The following PRKCH variants were observed in gnomAD, a reference collection of about 807,000 sequenced individuals.
PRKCH encodes protein kinase C eta.
A neutral mutation model predicts 82.5 loss-of-function variants in PRKCH; 28 were observed. The ratio of observed to expected loss-of-function variants is 0.34; its 90% CI spans 0.25 to 0.47. The LOEUF is 0.47. Among genes scored for constraint, PRKCH ranks in the 20% least tolerant of loss-of-function variants. The pLI is 1.00. For missense variants in PRKCH, 705 were observed against 881.8 expected, an observed-to-expected ratio of 0.80 and a Z score of 2.54; for synonymous variants, 322 against 327.4, an observed-to-expected ratio of 0.98 and a Z score of 0.18.
At chr14:61,253,720 C>T (rs1424779329) in intron 1 of PRKCH, among the ~76,000 whole-genome samples, 1 of 152,126 alleles carries the variant, frequency 6.6e-6, no homozygotes, top group Non-Finnish European at 1.5e-5. Flanking sequence ...TCTGACTCTG[C>T]CTAATTAGGC....
At chr14:61,237,643 TC>T (rs1238521212) in intron 1 of PRKCH, among the ~76,000 whole-genome samples, 1 of 152,202 alleles carries the variant, frequency 6.6e-6, no homozygotes, top group Non-Finnish European at 1.5e-5. Context: ...TTTCAATCAA[TC>T]GTCAATCGGA....
intron 1 of PRKCH, among the ~76,000 whole-genome samples, chr14:61,373,743 G>C (rs1467518218): frequency 6.6e-6 from 1 of 152,102 alleles, no homozygotes; most frequent in African/African-American, 2.4e-5. Context: ...TGGGACTACA[G>C]GCATGCGCCA....
At chr14:61,434,796 GGA>G (rs1883595993) in intron 2 of PRKCH, among the ~76,000 whole-genome samples, 1 of 152,136 alleles carries the variant, frequency 6.6e-6, no homozygotes, top group East Asian at 1.9e-4. Context: ...CAAAGAGAGA[GGA>G]TCACCTGAGC....
chr14:61,239,279 T>C (rs1396517619), intron 1 of PRKCH, among the ~76,000 whole-genome samples: 1 of 152,216 alleles, frequency 6.6e-6, no homozygotes, highest in Non-Finnish European at 1.5e-5. Context: ...AAGCTGATGA[T>C]ACTGCAAGGC....
chr14:61,550,122 A>T lies in PRKCH; in HGVS notation c.*291A>T. On this transcript the variant is annotated 3_prime_UTR_variant, in exon 14 of 14. Transcript: ENST00000332981. Reference sequence around the variant, plus strand: ...TGGGATGTTAACAGGAGCCAAAAGGAGGGAAAGTGTGAAGAATAAAGTAGA... The same window carrying T: ...TGGGATGTTAACAGGAGCCAAAAGGTGGGAAAGTGTGAAGAATAAAGTAGA... The T allele has an allele frequency of 3.5e-6, 1 of 283,042 alleles. No individual in the cohort carries two copies. The highest frequency in any genetic ancestry group is 6.2e-5 in the East Asian group (1 of 16,144). The allele number at this position is 283,042 out of a possible 1,614,324, so 17.5% of individuals were successfully genotyped here.
rs1425794337 is a variant in PRKCH, at chr14:61,530,458, G to T, written c.1624G>T (p.Val542Leu). Reference protein sequence around the residue: ...GPAVDWWAMGVLLYEMLCGHA... With the variant: ...GPAVDWWAMGLLLYEMLCGHA... The stretch of plus-strand genomic sequence containing the variant: ...TGCAGTAGACTGGTGGGCAATGGGC[G>T]TGTTGCTCTATGAGATGCTCTGTGG... The change falls in exon 12 of 14, where the codon GTG becomes TTG. Residue 542 changes from valine (V) to leucine (L), a missense_variant. By Grantham distance (32) the Val-to-Leu change is conservative (BLOSUM62 1). This residue lies in a region of PRKCH where 115 missense variants were observed against 193.8 expected (regional missense o/e 0.59). Coordinates refer to ENST00000332981, the MANE Select transcript of PRKCH (RefSeq NM_006255.5). 6.2e-7 allele frequency: 1 copy of T among 1,610,436 alleles called. No individual in the cohort carries two copies. Among genetic ancestry groups the T allele is most frequent in the South Asian group, 1.1e-5 (1 of 89,916 alleles).
At chr14:61,415,287 A>G (rs1042431278) in intron 2 of PRKCH, among the ~76,000 whole-genome samples, 1 of 152,194 alleles carries the variant, frequency 6.6e-6, no homozygotes, top group African/African-American at 2.4e-5. Flanking sequence ...ATGTGAGGGT[A>G]TAAAGTGAGG....
chr14:61,542,370 GAA>G (rs61011878), intron 12 of PRKCH, among the ~76,000 whole-genome samples: 22,638 of 147,898 alleles, frequency 0.15, 2,111 homozygotes, highest in African/African-American at 0.28. Flanking sequence ...TTTCTGTCAG[GAA>G]AAAAAAAAAA....
intron 1 of PRKCH, among the ~76,000 whole-genome samples, chr14:61,293,856 ATCTG>A (rs973334895): frequency 1.1e-4 from 17 of 152,164 alleles, no homozygotes; most frequent in Admixed American, 6.5e-5. Flanking sequence ...CTGCCCCAGA[ATCTG>A]TCTATTAACA....
Position 61,459,625 on chromosome 14 carries a change from T to A in PRKCH, c.1278+1946T>A, listed in dbSNP as rs149359519. Among the ~76,000 whole-genome samples the A allele has an allele frequency of 8.7e-4, 132 of 152,372 alleles. 2 individuals carry two copies. Among genetic ancestry groups the A allele is most frequent in the African/African-American group, 3.0e-3 (124 of 41,594 alleles). On this transcript the variant is annotated intron_variant, in intron 9 of 13. Transcript: ENST00000332981. ...GAATGACGTATCAGGTTGTATGTTTTAATTATGAAAATCTAATTTCTTGCG... is the reference window on the plus strand; with the variant it reads ...GAATGACGTATCAGGTTGTATGTTTAAATTATGAAAATCTAATTTCTTGCG...
At chr14:61,213,799 A>ATTT (rs1198406431) in intron 1 of PRKCH, among the ~76,000 whole-genome samples, 2 of 152,234 alleles carry the variant, frequency 1.3e-5, no homozygotes, top group African/African-American at 4.8e-5. Flanking sequence ...TGGACTGACC[A>ATTT]TGTAACCATC....
At chr14:61,350,469 C>T (rs1041973383) in intron 1 of PRKCH, among the ~76,000 whole-genome samples, 3 of 152,134 alleles carry the variant, frequency 2.0e-5, no homozygotes, top group African/African-American at 7.2e-5. Context: ...GTGTTTACAC[C>T]TTGTCTGCTT....
At position 61,280,824 on chromosome 14, in the gene PRKCH, C is replaced by T. The variant is rs1460447833; in HGVS notation, c.-19+93156C>T. 3 of 1,565,866 alleles carry T rather than the reference C, an allele frequency of 1.9e-6. No individual in the cohort carries two copies. The highest frequency in any genetic ancestry group is 2.6e-6 in the Non-Finnish European group (3 of 1,164,668). On this transcript the variant is annotated intron_variant, in intron 1 of 3. Coordinates refer to the PRKCH transcript ENST00000555185. The surrounding 1 kb of genome is among the most constrained non-coding windows in gnomAD (Gnocchi z 5.0). ...AGTTGGTCAGCTCGTAGTAGAGGTA[C>T]ACTGGGCCCTGGAAGAGCTCGGGCA...
intron 10 of PRKCH, among the ~76,000 whole-genome samples, chr14:61,516,616 A>C (rs367855178): frequency 6.6e-6 from 1 of 152,150 alleles, no homozygotes; most frequent in East Asian, 1.9e-4. Flanking sequence ...CTGGGGCCGG[A>C]GTGAGTGCTC....
At chr14:61,443,402 A>T (rs1159725467) in intron 3 of PRKCH, 141 bp downstream of exon 3, 1 of 828,324 alleles carries the variant, frequency 1.2e-6, no homozygotes, top group African/African-American at 1.8e-5. Flanking sequence ...TAGTATGTTG[A>T]CCCAGTAATT....
In PRKCH at chr14:61,246,245, GAA is replaced by G. The variant is rs59852160; in HGVS notation, c.-19+58592_-19+58593del. Among the ~76,000 whole-genome samples, 173 of 125,922 alleles carry G rather than the reference GAA, an allele frequency of 1.4e-3. 1 individual carries two copies. The highest frequency in any genetic ancestry group is 3.6e-3 in the African/African-American group (122 of 34,074). 82.6% of individuals were successfully genotyped at this position (125,922 alleles called of 152,430 possible). ...ACATGGCAAAACCCCATCTCTACTG[GAA>G]AAAAAAAAAAAAAAGCCAGGTGTGG... On this transcript the variant is annotated intron_variant, in intron 1 of 3. Transcript: ENST00000555185.
At chr14:61,217,973 T>C (rs1221746101) in intron 1 of PRKCH, among the ~76,000 whole-genome samples, 1 of 152,318 alleles carries the variant, frequency 6.6e-6, no homozygotes, top group Non-Finnish European at 1.5e-5. Context: ...GATTTTATCT[T>C]CTGTTTATTT....
chr14:61,456,901 G>T, intron 7 of PRKCH: 1 of 334,886 alleles, frequency 3.0e-6, no homozygotes, highest in Middle Eastern at 9.2e-4. Flanking sequence ...ACAAGGCATT[G>T]GTGTTTCCAT....
chr14:61,354,571 A>T (rs1213993992), intron 1 of PRKCH, among the ~76,000 whole-genome samples: 2 of 151,976 alleles, frequency 1.3e-5, no homozygotes, highest in Non-Finnish European at 2.9e-5. Context: ...TTCTATAAGC[A>T]TTTATTCAGC....
Sources: gnomAD v4.1 joint callset for allele counts (sites outside exome capture counted in the v4.1 genomes callset) on GRCh38, gnomAD v4.1.1 for gene constraint, gnomAD v4.1.1 regional missense constraint, Gnocchi (gnomAD v3.1) non-coding constraint, MANE v1.5 for transcripts, NCBI Gene and HGNC (gene_info 2026-07-23, HGNC 2026-07-21) for gene names.